The following IMMT variants were observed in gnomAD, a reference collection of about 807,000 sequenced individuals.
IMMT encodes the protein inner membrane mitochondrial protein.
A neutral mutation model predicts 92.7 loss-of-function variants in IMMT; 40 were observed. That is an observed-to-expected ratio of 0.43 (90% CI 0.34 to 0.56). IMMT has a LOEUF of 0.56. Among genes scored for constraint, IMMT ranks in the 20% least tolerant of loss-of-function variants. IMMT has a pLI of 0.03. For synonymous variants in IMMT, 322 were observed against 336.1 expected (o/e 0.96, Z 0.46); for missense variants, 831 against 912.1 (o/e 0.91, Z 1.14).
At chr2:86,148,086 G>A (rs1204504719) in intron 12 of IMMT, among the ~76,000 whole-genome samples, 1 of 152,078 alleles carries the variant, frequency 6.6e-6, no homozygotes, top group African/African-American at 2.4e-5. Context: ...CCAAACTTGT[G>A]GTTTTTCCAC....
At chr2:86,169,752 T>C (rs1676959009) in intron 6 of IMMT, among the ~76,000 whole-genome samples, 1 of 150,424 alleles carries the variant, frequency 6.6e-6, no homozygotes, top group Non-Finnish European at 1.5e-5. Flanking sequence ...AAAATAATAA[T>C]AATGATAAAA....
chr2:86,181,812 A>G (rs536319631), intron 1 of IMMT, among the ~76,000 whole-genome samples: 1 of 152,234 alleles, frequency 6.6e-6, no homozygotes, highest in African/African-American at 2.4e-5. Context: ...GGACAGATCT[A>G]ACCTCAGCTA....
chr2:86,164,288 C>T (rs1676511284), intron 7 of IMMT, among the ~76,000 whole-genome samples: 2 of 151,206 alleles, frequency 1.3e-5, no homozygotes, highest in Non-Finnish European at 2.9e-5. Flanking sequence ...AACTCCTGAC[C>T]TCAAATGATC....
intron 6 of IMMT, among the ~76,000 whole-genome samples, chr2:86,168,452 G>A (rs1216925964): frequency 3.3e-5 from 5 of 151,910 alleles, no homozygotes; most frequent in Admixed American, 2.6e-4. Flanking sequence ...GTGAAACCCC[G>A]TCTCTACTAA....
chr2:86,184,888 G>C (rs537507760), intron 1 of IMMT, among the ~76,000 whole-genome samples: 5 of 152,288 alleles, frequency 3.3e-5, no homozygotes, highest in Admixed American at 6.5e-5. Flanking sequence ...TGACGTACTT[G>C]GCTAAAGAGT....
In IMMT at chr2:86,181,300, C is replaced by T. The variant is rs1436171743; in HGVS notation, c.118G>A (p.Gly40Arg). The T allele has an allele frequency of 1.1e-5, 18 of 1,611,972 alleles. No individual in the cohort carries two copies. The highest frequency in any genetic ancestry group is 1.5e-5 in the Non-Finnish European group (18 of 1,178,294). The change falls in exon 2 of 15, where the codon GGG (glycine) becomes AGG (arginine). Residue 40 changes from glycine (G) to arginine (R), a missense_variant and splice_region_variant. Physicochemically the swap from Gly to Arg is moderately radical, Grantham distance 125. Coordinates refer to ENST00000410111, the MANE Select transcript of IMMT (RefSeq NM_006839.3). Reference sequence around the variant, plus strand: ...GTTATAGGGAGACATAATACATACCCAGAGCTGCCTGAAGTAGAGTATCTG... The same window carrying T: ...GTTATAGGGAGACATAATACATACCTAGAGCTGCCTGAAGTAGAGTATCTG... ...CRRYSTSGSSGLTTGKIAGAG... is the reference protein window; with the variant it reads ...CRRYSTSGSSRLTTGKIAGAG...
At chr2:86,175,521 T>C (rs1003956443) in intron 3 of IMMT, among the ~76,000 whole-genome samples, 1 of 152,142 alleles carries the variant, frequency 6.6e-6, no homozygotes, top group Non-Finnish European at 1.5e-5. Flanking sequence ...TTTTATGATA[T>C]GAAGTTCTAT....
chr2:86,173,581 A>T, intron 4 of IMMT, 69 bp downstream of exon 4: 3 of 258,290 alleles, frequency 1.2e-5, no homozygotes, highest in African/African-American at 8.0e-5. Context: ...ACTCCATCTC[A>T]AAAAAAAAAA....
In IMMT at chr2:86,191,553, CCA is replaced by C. The variant is rs554083681; in HGVS notation, c.45+3783_45+3784del. On this transcript the variant is annotated intron_variant, in intron 1 of 14. Coordinates refer to ENST00000410111, the MANE Select transcript of IMMT (RefSeq NM_006839.3). Reference sequence around the variant, plus strand: ...TGTCCTAGGTCTCCAGTCTGCCAAACCACACAGCAGATTCTGGACTTGCCAGT... The same window carrying C: ...TGTCCTAGGTCTCCAGTCTGCCAAACCACAGCAGATTCTGGACTTGCCAGT... Among the ~76,000 whole-genome samples, 573 of 152,120 alleles carry C rather than the reference CCA, an allele frequency of 3.8e-3. 4 individuals carry two copies. Among genetic ancestry groups the C allele is most frequent in the Middle Eastern group, 0.031 (9 of 294 alleles).
intron 11 of IMMT, among the ~76,000 whole-genome samples, chr2:86,153,068 AG>A (rs954506666): frequency 2.0e-5 from 3 of 152,170 alleles, no homozygotes; most frequent in African/African-American, 7.2e-5. Context: ...ACTAAGTTTT[AG>A]GTGTGATAAT....
chr2:86,187,306 T>C (rs1228917256), intron 1 of IMMT, among the ~76,000 whole-genome samples: 1 of 152,248 alleles, frequency 6.6e-6, no homozygotes, highest in African/African-American at 2.4e-5. Context: ...AATCACACAA[T>C]GTACATCTTT....
intron 7 of IMMT, 54 bp from the exon 8 acceptor site, chr2:86,162,133 T>C (rs565647926): frequency 3.4e-5 from 38 of 1,103,314 alleles, no homozygotes; most frequent in South Asian, 2.4e-4. Context: ...TGTCATATGA[T>C]AGGCCAACAA....
chr2:86,166,157 C>G (rs968069052), intron 7 of IMMT, among the ~76,000 whole-genome samples: 4 of 152,132 alleles, frequency 2.6e-5, no homozygotes, highest in Non-Finnish European at 5.9e-5. Context: ...AATGGCAAAC[C>G]CTGTCTCTAC....
At chr2:86,150,454 G>A (rs1675383544) in intron 12 of IMMT, among the ~76,000 whole-genome samples, 1 of 152,072 alleles carries the variant, frequency 6.6e-6, no homozygotes, top group Non-Finnish European at 1.5e-5. Context: ...TATGGTGTCA[G>A]GGAGCCTAGG....
intron 1 of IMMT, among the ~76,000 whole-genome samples, chr2:86,188,078 C>T (rs373960511): frequency 2.0e-5 from 3 of 151,952 alleles, no homozygotes; most frequent in African/African-American, 4.8e-5. Context: ...TTGCTCTTGT[C>T]GCCCAGGCTG....
chr2:86,191,297 A>G (rs1276854004), intron 1 of IMMT, among the ~76,000 whole-genome samples: 1 of 149,086 alleles, frequency 6.7e-6, no homozygotes, highest in East Asian at 2.0e-4. Context: ...GTGAGCTGAG[A>G]TTGCACCAAT....
In IMMT at chr2:86,147,779, G is replaced by C; in HGVS notation, c.1456C>G (p.Gln486Glu). 1 of 1,613,912 alleles carries C rather than the reference G, an allele frequency of 6.2e-7. No individual in the cohort carries two copies. Among genetic ancestry groups the C allele is most frequent in the Non-Finnish European group, 8.5e-7 (1 of 1,179,798 alleles). ...AAGTGATCAGTGTGGGCAGCTGCCT[G>C]TCGGCGAAGCTGGGTTCTCATTTCA... ...ENEMRTQLRR[Q>E]AAAHTDHLRD... The change falls in exon 13 of 15, where the codon CAG (glutamine) becomes GAG (glutamate). Residue 486 changes from glutamine to glutamate, a missense_variant. Physicochemically the swap from Gln to Glu is conservative, Grantham distance 29. Coordinates refer to ENST00000410111, the MANE Select transcript of IMMT (RefSeq NM_006839.3).
intron 3 of IMMT, among the ~76,000 whole-genome samples, chr2:86,178,914 T>C (rs1423202282): frequency 7.9e-5 from 12 of 151,546 alleles, no homozygotes; most frequent in Non-Finnish European, 1.8e-4. Flanking sequence ...TACAAACAAT[T>C]AGCCGGGCAT....
Position 86,144,814 on chromosome 2 carries a change from C to A in IMMT, c.1731G>T (p.Lys577Asn). ...HQLWLSVEALKYSMKTSSAET... is the reference protein window; with the variant it reads ...HQLWLSVEALNYSMKTSSAET... ...CTGCAGATGAGGTCTTCATGCTGTA[C>A]TTTAATGCCTCCACTGAAAGCCAGA... is the stretch of plus-strand genomic sequence containing the variant. The change falls in exon 15 of 15, where the codon AAG (lysine) becomes AAT (asparagine). Residue 577 changes from lysine to asparagine, a missense_variant. Lys to Asn is a moderately conservative substitution (Grantham distance 94). Coordinates refer to ENST00000410111, the MANE Select transcript of IMMT (RefSeq NM_006839.3). 6.2e-7 allele frequency: 1 copy of A among 1,612,248 alleles called. No individual in the cohort carries two copies. The highest frequency in any genetic ancestry group is 8.5e-7 in the Non-Finnish European group (1 of 1,179,700).
Sources: allele counts gnomAD v4.1 joint callset (sites outside exome capture counted in the v4.1 genomes callset), GRCh38; gene constraint gnomAD v4.1.1; transcripts MANE v1.5; gene names NCBI Gene and HGNC (gene_info 2026-07-23, HGNC 2026-07-21).